The following NFYA variants were observed in gnomAD, a reference collection of about 807,000 sequenced individuals.
NFYA encodes nuclear transcription factor Y subunit alpha.
Under a neutral mutation model 52.8 loss-of-function variants are expected in NFYA, and 28 were observed. That is an observed-to-expected ratio of 0.53 (90% CI 0.39 to 0.73). The LOEUF (loss-of-function observed/expected upper bound fraction) is 0.73. Among genes scored for constraint, NFYA ranks in the 30% least tolerant of loss-of-function variants. The pLI is 0.00. For synonymous variants in NFYA, 150 were observed against 150.7 expected, an observed-to-expected ratio of 1.00 and a Z score of 0.03; for missense variants, 234 against 427.0, an observed-to-expected ratio of 0.55 and a Z score of 3.98.
rs1467490510 is a variant in NFYA at position 41,098,384 on chromosome 6, G to A, written c.*974G>A. 4 of 152,188 alleles carry A rather than the reference G, an allele frequency of 2.6e-5. No homozygotes were observed. The highest frequency in any genetic ancestry group is 6.5e-5 in the Admixed American group (1 of 15,278). 9.4% of individuals were successfully genotyped at this position (152,188 alleles called of 1,614,324 possible). On this transcript the variant is annotated 3_prime_UTR_variant, in exon 10 of 10. Coordinates refer to ENST00000341376, the MANE Select transcript of NFYA (RefSeq NM_002505.5). Reference sequence around the variant, plus strand: ...GCCTAGTGGGAGAGAGTGGGGGAGAGGAAGAGAGAGAGAGAGCATGTATAC... The same window carrying A: ...GCCTAGTGGGAGAGAGTGGGGGAGAAGAAGAGAGAGAGAGAGCATGTATAC...
intron 3 of NFYA, among the ~76,000 whole-genome samples, chr6:41,081,842 A>C (rs1582025238): frequency 6.6e-6 from 1 of 152,206 alleles, no homozygotes; most frequent in Non-Finnish European, 1.5e-5. Context: ...TGTAAGTCTT[A>C]GGTGTTAAAG....
intron 1 of NFYA, among the ~76,000 whole-genome samples, chr6:41,074,212 G>A (rs1763661825): frequency 6.6e-6 from 1 of 152,150 alleles, no homozygotes; most frequent in Non-Finnish European, 1.5e-5. Flanking sequence ...ACACTTTCAA[G>A]TCCTGTGTTA....
At chr6:41,073,335 G>A (rs930488363) in intron 1 of NFYA, among the ~76,000 whole-genome samples, 38 of 151,776 alleles carry the variant, frequency 2.5e-4, no homozygotes, top group African/African-American at 8.7e-4. Flanking sequence ...TCGGGGCTCC[G>A]ACCCTCGCAG....
At chr6:41,082,601 G>C (rs1343259744) in intron 3 of NFYA, among the ~76,000 whole-genome samples, 1 of 152,204 alleles carries the variant, frequency 6.6e-6, no homozygotes, top group African/African-American at 2.4e-5. Flanking sequence ...TACTTACATA[G>C]ATTTTATTTA....
At position 41,080,814 on chromosome 6, in the gene NFYA, CA is replaced by C. The variant is rs1433901213; in HGVS notation, c.80del (p.Gln27ArgfsTer28). ...VQAGQIQQQQ[Q>X]GGVTAVQLQT... ...CTCTTCCTGTTCCTGTTCTCAGCAG[CA>C]GGGTGGTGTCACTGCTGTGCAGTTG... On this transcript the variant is annotated frameshift_variant, in exon 3 of 10. Coordinates refer to ENST00000341376, the MANE Select transcript of NFYA (RefSeq NM_002505.5). LOFTEE classifies it high-confidence loss of function. 2.5e-6 allele frequency: 4 copies of C among 1,613,112 alleles called. No homozygotes were observed. Among genetic ancestry groups the C allele is most frequent in the Non-Finnish European group, 2.5e-6 (3 of 1,179,228 alleles).
At position 41,099,612 on chromosome 6, in the gene NFYA, TTTA is replaced by T. The variant is rs1287393055; in HGVS notation, c.*2205_*2207del. On this transcript the variant is annotated 3_prime_UTR_variant, in exon 10 of 10. Coordinates refer to ENST00000341376, the MANE Select transcript of NFYA (RefSeq NM_002505.5). Reference sequence around the variant, plus strand: ...GGATTTTTTCTTTGATACTAGTTCTTTTATTCATTTTTATTTGTGACTGTAGTG... The same window carrying T: ...GGATTTTTTCTTTGATACTAGTTCTTTTCATTTTTATTTGTGACTGTAGTG... 1 of 152,246 alleles carries T rather than the reference TTTA, an allele frequency of 6.6e-6. No homozygotes were observed. The highest frequency in any genetic ancestry group is 2.4e-5 in the African/African-American group (1 of 41,476). The allele number at this position is 152,246 out of a possible 1,614,324, so 9.4% of individuals were successfully genotyped here.
At chr6:41,086,084 GCTATATC>G (rs1764035702) in intron 4 of NFYA, among the ~76,000 whole-genome samples, 3 of 152,082 alleles carry the variant, frequency 2.0e-5, no homozygotes, top group Admixed American at 6.5e-5. Flanking sequence ...ATTCCCTATT[GCTATATC>G]CTTTCTGTTC....
rs1214196977 is a variant in NFYA at position 41,101,617 on chromosome 6, A to G, written c.*4207A>G. On this transcript the variant is annotated 3_prime_UTR_variant, in exon 10 of 10. Transcript: ENST00000341376. ...CAGCCACTCCGCGAGTCGTTCATTT[A>G]ACAAATACTTACTCTGTGTCAGGGA... 6.6e-6 allele frequency among the ~76,000 whole-genome samples: 1 copy of G among 152,190 alleles called. No individual in the cohort carries two copies. The highest frequency in any genetic ancestry group is 6.5e-5 in the Admixed American group (1 of 15,278).
At chr6:41,082,426 T>G (rs567408033) in intron 3 of NFYA, among the ~76,000 whole-genome samples, 4 of 152,374 alleles carry the variant, frequency 2.6e-5, no homozygotes, top group Admixed American at 1.3e-4. Flanking sequence ...GGCTTCTTGT[T>G]TGATGCATGT....
At chr6:41,093,740 G>C (rs1056425923) in intron 8 of NFYA, among the ~76,000 whole-genome samples, 1 of 152,176 alleles carries the variant, frequency 6.6e-6, no homozygotes, top group Non-Finnish European at 1.5e-5. Flanking sequence ...CAAAGTGCCG[G>C]GATTATAGGC....
At chr6:41,073,798 G>C (rs1763632367) in intron 1 of NFYA, among the ~76,000 whole-genome samples, 1 of 152,056 alleles carries the variant, frequency 6.6e-6, no homozygotes. Flanking sequence ...CCTCCTCCCA[G>C]CCCGCTCCGC....
At position 41,094,327 on chromosome 6, in the gene NFYA, TTG is replaced by T. The variant is rs1337590252; in HGVS notation, c.889-66_889-65del. On this transcript the variant is annotated intron_variant, in intron 8 of 9. Coordinates refer to ENST00000341376, the MANE Select transcript of NFYA (RefSeq NM_002505.5). The stretch of plus-strand genomic sequence containing the variant: ...TGTCTTAAACTTTGGAGAATGGAAT[TTG>T]TGCACTAGATAACTGTGCTGGTTCT... 14 of 1,314,312 alleles carry T rather than the reference TTG, an allele frequency of 1.1e-5. No homozygotes were observed. In the Admixed American group the frequency reaches 2.5e-4, roughly 24 times the overall value. 81.4% of individuals were successfully genotyped at this position (1,314,312 alleles called of 1,614,324 possible). A position where few individuals can be genotyped will look rare whatever the true frequency, so the allele number is the denominator to read the frequency against.
chr6:41,092,678 T>C (rs563816079), intron 7 of NFYA, among the ~76,000 whole-genome samples: 3 of 152,294 alleles, frequency 2.0e-5, no homozygotes, highest in African/African-American at 7.2e-5. Context: ...TAGGGCATGG[T>C]TATATAGTTT....
chr6:41,073,343 CAGGGTG>C lies in NFYA; in HGVS notation c.-62+260_-62+265del, dbSNP rs1763593978. Among the ~76,000 whole-genome samples, 26 of 151,874 alleles carry C rather than the reference CAGGGTG, an allele frequency of 1.7e-4. 1 individual carries two copies. Among genetic ancestry groups the C allele is most frequent in the Admixed American group, 1.7e-3 (26 of 15,272 alleles). On this transcript the variant is annotated intron_variant, in intron 1 of 9. Coordinates refer to ENST00000341376, the MANE Select transcript of NFYA (RefSeq NM_002505.5). ...AGGCACCTCGGGGCTCCGACCCTCGCAGGGTGCCAGGGCCAGTTGGGAATGCGTCCC... is the reference window on the plus strand; with the variant it reads ...AGGCACCTCGGGGCTCCGACCCTCGCCCAGGGCCAGTTGGGAATGCGTCCC...
At chr6:41,077,250 A>G (rs1295269244) in intron 1 of NFYA, among the ~76,000 whole-genome samples, 1 of 152,174 alleles carries the variant, frequency 6.6e-6, no homozygotes, top group Admixed American at 6.5e-5. Flanking sequence ...CTTTAGAAAC[A>G]AAGTATAATA....
At chr6:41,089,773 C>A (rs1390470196) in intron 5 of NFYA, 63 bp downstream of exon 5, 2 of 1,574,182 alleles carry the variant, frequency 1.3e-6, no homozygotes, top group South Asian at 1.2e-5. Context: ...ATAACTGAGT[C>A]AGATATTTCA....
chr6:41,073,603 C>T (rs1763615474), intron 1 of NFYA, among the ~76,000 whole-genome samples: 1 of 152,132 alleles, frequency 6.6e-6, no homozygotes, highest in Admixed American at 6.5e-5. Flanking sequence ...TCTGTCTTAT[C>T]TGCAGCCCCT....
chr6:41,073,373 C>T (rs1368025659), intron 1 of NFYA, among the ~76,000 whole-genome samples: 1 of 151,870 alleles, frequency 6.6e-6, no homozygotes, highest in African/African-American at 2.4e-5. Flanking sequence ...GGAATGCGTC[C>T]CTGTTCCCCG....
At chr6:41,077,640 C>T (rs1487539183) in intron 1 of NFYA, among the ~76,000 whole-genome samples, 1 of 152,172 alleles carries the variant, frequency 6.6e-6, no homozygotes, top group East Asian at 1.9e-4. Flanking sequence ...ATTCTATACC[C>T]AGAATCTCTG....
Sources: allele counts gnomAD v4.1 joint callset (sites outside exome capture counted in the v4.1 genomes callset), GRCh38; gene constraint gnomAD v4.1.1; transcripts MANE v1.5; gene names NCBI Gene and HGNC (gene_info 2026-07-23, HGNC 2026-07-21).